ICE1: variants seen among roughly 807,000 people sequenced by gnomAD.
ICE1 encodes the protein interactor of little elongation complex ELL subunit 1, also known as little elongation complex subunit 1.
In ICE1, 64 loss-of-function variants were observed where a neutral mutation model predicts 192.7. That is an observed-to-expected ratio of 0.33 (90% CI 0.27 to 0.41). ICE1 has a LOEUF of 0.41. ICE1 is among the 10% of genes least tolerant of loss of function. ICE1 has a pLI of 1.00. For missense variants in ICE1, 2,708 were observed against 2,696.0 expected (o/e 1.00, Z -0.10); for synonymous variants, 1,010 against 984.5 (o/e 1.03, Z -0.49).
At chr5:5,475,893 T>C (rs1197692906) in intron 16 of ICE1, 80 bp from the exon 17 acceptor site, 6 of 861,630 alleles carry the variant, frequency 7.0e-6, no homozygotes, top group African/African-American at 3.4e-5. Context: ...CTTTCACTTA[T>C]TGCTTAAGGA....
intron 17 of ICE1, among the ~76,000 whole-genome samples, chr5:5,479,997 G>T (rs960647750): frequency 2.0e-5 from 3 of 152,080 alleles, no homozygotes; most frequent in Non-Finnish European, 4.4e-5. Context: ...TTAAAACCTA[G>T]ATGATGGGTT....
intron 15 of ICE1, among the ~76,000 whole-genome samples, chr5:5,473,258 A>T (rs1739217967): frequency 6.6e-6 from 1 of 152,194 alleles, no homozygotes; most frequent in Admixed American, 6.5e-5. Context: ...TTCTAACTTT[A>T]ATTCTCTAAT....
In ICE1 at chr5:5,460,593, C is replaced by T; in HGVS notation, c.1259C>T (p.Pro420Leu). 1 of 1,613,188 alleles carries T rather than the reference C, an allele frequency of 6.2e-7. No individual in the cohort carries two copies. The highest frequency in any genetic ancestry group is 8.5e-7 in the Non-Finnish European group (1 of 1,179,542). ...GGAAGTGGCACATGGGAGGAAAAGC[C>T]CAAATCACATGAAGCTATCCAAGCT... ...NKGSGTWEEK[P>L]KSHEAIQALN... Residue 420 changes from proline to leucine, a missense_variant, in exon 13 of 19, where the codon CCC becomes CTC. This residue lies in a region of ICE1 where 2,366 missense variants were observed against 2,276.6 expected (regional missense o/e 1.04). Coordinates refer to ENST00000296564, the MANE Select transcript of ICE1 (RefSeq NM_015325.3).
In ICE1 at chr5:5,465,180, G is replaced by T; in HGVS notation, c.5846G>T (p.Arg1949Ile). ...VGNISKKPVM[R>I]DQEKEVVYEF... ...AATATCTCCAAAAAGCCCGTAATGA[G>T]AGATCAAGAGAAGGAAGTTGTTTAT... Residue 1949 changes from arginine (R) to isoleucine (I), a missense_variant, in exon 13 of 19, where the codon AGA (arginine) becomes ATA (isoleucine). This residue lies in a region of ICE1 where 342 missense variants were observed against 419.3 expected (regional missense o/e 0.82). Coordinates refer to ENST00000296564, the MANE Select transcript of ICE1 (RefSeq NM_015325.3). The T allele has an allele frequency of 6.3e-7, 1 of 1,599,270 alleles. No individual in the cohort carries two copies. Among genetic ancestry groups the T allele is most frequent in the South Asian group, 1.1e-5 (1 of 88,544 alleles).
rs796599483 is a variant in ICE1 at position 5,435,678 on chromosome 5, G to GTTTTTTTTTTTTTTTT, written c.85-735_85-734insTTTTTTTTTTTTTTTT. Reference sequence around the variant, plus strand: ...TTGTGTTTTTTTTTTTTTTTGTTTTGTTTTTGTTTTTTTTTTCGAGATGGA... The same window carrying GTTTTTTTTTTTTTTTT: ...TTGTGTTTTTTTTTTTTTTTGTTTTGTTTTTTTTTTTTTTTTTTTTTGTTTTTTTTTTCGAGATGGA... On this transcript the variant is annotated intron_variant, in intron 1 of 18. Coordinates refer to ENST00000296564, the MANE Select transcript of ICE1 (RefSeq NM_015325.3). 1.7e-5 allele frequency among the ~76,000 whole-genome samples: 2 copies of GTTTTTTTTTTTTTTTT among 116,738 alleles called. 1 individual carries two copies. Among genetic ancestry groups the GTTTTTTTTTTTTTTTT allele is most frequent in the African/African-American group, 6.3e-5 (2 of 31,902 alleles). 76.6% of individuals were successfully genotyped at this position (116,738 alleles called of 152,430 possible). A position where few individuals can be genotyped will look rare whatever the true frequency, so the allele number is the denominator to read the frequency against.
At position 5,462,408 on chromosome 5, in the gene ICE1, G is replaced by A. The variant is rs372049445; in HGVS notation, c.3074G>A (p.Gly1025Glu). ...GAAGAAACCAGCTGTGGAGACACAG[G>A]GAGATCTGGTGGTGAGGCCCTGGCT... ...SVEETSCGDT[G>E]RSGGEALAVA... Residue 1025 changes from glycine (G) to glutamate (E), a missense_variant, in exon 13 of 19, where the codon GGG becomes GAG. Around this residue, in one of 2 missense-constraint regions of ICE1, gnomAD observed 2,366 missense variants for 2,276.6 expected, o/e 1.04. Coordinates refer to ENST00000296564, the MANE Select transcript of ICE1 (RefSeq NM_015325.3). 3.1e-6 allele frequency: 5 copies of A among 1,614,018 alleles called. No homozygotes were observed. The East Asian group carries it at 6.7e-5, about 22-fold the overall frequency.
rs1739745204 is a variant in ICE1 at position 5,489,859 on chromosome 5, GAGCCCTT to G, written c.*533_*539del. ...GTAATTGATCAGAGCAAAACATGCAGAGCCCTTAGCAGAAACCCACTTTAATGCATTT... is the reference window on the plus strand; with the variant it reads ...GTAATTGATCAGAGCAAAACATGCAGAGCAGAAACCCACTTTAATGCATTT... On this transcript the variant is annotated 3_prime_UTR_variant, in exon 19 of 19. Coordinates refer to ENST00000296564, the MANE Select transcript of ICE1 (RefSeq NM_015325.3). The G allele has an allele frequency of 6.6e-6, 1 of 152,228 alleles. No homozygotes were observed. Among genetic ancestry groups the G allele is most frequent in the African/African-American group, 2.4e-5 (1 of 41,462 alleles). 9.4% of individuals were successfully genotyped at this position (152,228 alleles called of 1,614,324 possible). A position where few individuals can be genotyped will look rare whatever the true frequency, so the allele number is the denominator to read the frequency against.
chr5:5,489,424 CA>C lies in ICE1; in HGVS notation c.*99del. ...CAGAATACAAAGGGAGGTTTCAAAA[CA>C]AAAAGACATAAAATAGATAAAACAG... On this transcript the variant is annotated 3_prime_UTR_variant, in exon 19 of 19. Transcript: ENST00000296564. 2 of 1,126,210 alleles carry C rather than the reference CA, an allele frequency of 1.8e-6. No individual in the cohort carries two copies. Among genetic ancestry groups the C allele is most frequent in the Non-Finnish European group, 2.5e-6 (2 of 809,976 alleles). 69.8% of individuals were successfully genotyped at this position (1,126,210 alleles called of 1,614,324 possible). A position where few individuals can be genotyped will look rare whatever the true frequency, so the allele number is the denominator to read the frequency against.
chr5:5,484,569 C>T (rs1461788758), intron 17 of ICE1, among the ~76,000 whole-genome samples: 1 of 152,062 alleles, frequency 6.6e-6, no homozygotes, highest in African/African-American at 2.4e-5. Flanking sequence ...TCCTAGGCTC[C>T]CTAGAAATTA....
intron 1 of ICE1, among the ~76,000 whole-genome samples, chr5:5,430,554 C>A (rs935385585): frequency 6.6e-6 from 1 of 152,184 alleles, no homozygotes; most frequent in Non-Finnish European, 1.5e-5. Context: ...AAGTCAGCAG[C>A]CCCCAGCCCC....
chr5:5,463,219 C>T lies in ICE1; in HGVS notation c.3885C>T (p.Thr1295=), dbSNP rs935820202. Residue 1295 remains threonine (T), a synonymous_variant, in exon 13 of 19, where the codon ACC becomes ACT. Transcript: ENST00000296564. The part of the protein sequence containing the change: ...LLLLNVNNNM[T]TENLKEKSPF... ...TCTTAAATGTAAATAACAACATGAC[C>T]ACTGAGAATTTAAAAGAGAAAAGTC... The T allele has an allele frequency of 1.2e-6, 2 of 1,611,444 alleles. No individual in the cohort carries two copies. Among genetic ancestry groups the T allele is most frequent in the African/African-American group, 1.3e-5 (1 of 74,978 alleles).
At chr5:5,423,112 T>C in intron 1 of ICE1, 113 bp downstream of exon 1, 1 of 525,196 alleles carries the variant, frequency 1.9e-6, no homozygotes, top group Non-Finnish European at 2.9e-6. Flanking sequence ...CTGCTCTCCC[T>C]TCCCAACCGT....
Position 5,463,615 on chromosome 5 carries a change from CAGT to C in ICE1, c.4282_4284del (p.Ser1428del). 11 of 1,613,986 alleles carry C rather than the reference CAGT, an allele frequency of 6.8e-6. No individual in the cohort carries two copies. Among genetic ancestry groups the C allele is most frequent in the Non-Finnish European group, 8.5e-6 (10 of 1,179,892 alleles). On this transcript the variant is annotated inframe_deletion, in exon 13 of 19. Coordinates refer to ENST00000296564, the MANE Select transcript of ICE1 (RefSeq NM_015325.3). Reference sequence around the variant, plus strand: ...AAAAGGGGGACAACTGGACAATCATCAGTGGTGTAGCTGTCTTGCCACATGTGG... The same window carrying C: ...AAAAGGGGGACAACTGGACAATCATCGGTGTAGCTGTCTTGCCACATGTGG...
At chr5:5,475,311 A>G (rs1739276581) in intron 16 of ICE1, among the ~76,000 whole-genome samples, 1 of 152,216 alleles carries the variant, frequency 6.6e-6, no homozygotes, top group Non-Finnish European at 1.5e-5. Flanking sequence ...GAGTATCTAG[A>G]AGAAAAGCCA....
At position 5,489,343 on chromosome 5, in the gene ICE1, C is replaced by A. The variant is rs2111411411; in HGVS notation, c.*13C>A. 6.3e-7 allele frequency: 1 copy of A among 1,595,656 alleles called. No individual in the cohort carries two copies. Among genetic ancestry groups the A allele is most frequent in the Non-Finnish European group, 8.5e-7 (1 of 1,171,800 alleles). Reference sequence around the variant, plus strand: ...GGAGCTTGGCTGACCTGGGATGCCACTGAGGCTTGAGAAGTGCCTTGACAC... The same window carrying A: ...GGAGCTTGGCTGACCTGGGATGCCAATGAGGCTTGAGAAGTGCCTTGACAC... On this transcript the variant is annotated 3_prime_UTR_variant, in exon 19 of 19. Coordinates refer to ENST00000296564, the MANE Select transcript of ICE1 (RefSeq NM_015325.3).
At position 5,463,490 on chromosome 5, in the gene ICE1, T is replaced by C. The variant is rs1738867992; in HGVS notation, c.4156T>C (p.Ser1386Pro). ...GATGGAGCCATCCATAGAGCAAAGT[T>C]CTAACTGCGAGGCCGAAACAACATT... Reference protein sequence around the residue: ...SVMEPSIEQSSNCEAETTFQC... With the variant: ...SVMEPSIEQSPNCEAETTFQC... Residue 1386 changes from serine to proline, a missense_variant, in exon 13 of 19, where the codon TCT becomes CCT. By Grantham distance (74) the Ser-to-Pro change is moderately conservative (BLOSUM62 -1). Coordinates refer to ENST00000296564, the MANE Select transcript of ICE1 (RefSeq NM_015325.3). 6.2e-7 allele frequency: 1 copy of C among 1,613,034 alleles called. No homozygotes were observed. The highest frequency in any genetic ancestry group is 1.7e-5 in the Admixed American group (1 of 59,876).
In ICE1 at chr5:5,457,475, T is replaced by C. The variant is rs764674751; in HGVS notation, c.835T>C (p.Cys279Arg). The change falls in exon 12 of 19, where the codon TGT (cysteine) becomes CGT (arginine). Residue 279 changes from cysteine (C) to arginine (R), a missense_variant. Coordinates refer to ENST00000296564, the MANE Select transcript of ICE1 (RefSeq NM_015325.3). ...CATGGAGATAAAGGAGGACTTTTTA[T>C]GTCAAAATGTGGAAAAACAGAGCTC... The part of the protein sequence containing the change: ...LSMEIKEDFL[C>R]QNVEKQSSSG... 1.9e-5 allele frequency: 31 copies of C among 1,613,844 alleles called. No homozygotes were observed. The Admixed American group carries it at 5.0e-4, about 26-fold the overall frequency.
chr5:5,464,409 C>T lies in ICE1; in HGVS notation c.5075C>T (p.Ser1692Phe), dbSNP rs771094893. 6.2e-7 allele frequency: 1 copy of T among 1,613,822 alleles called. No individual in the cohort carries two copies. Among genetic ancestry groups the T allele is most frequent in the African/African-American group, 1.3e-5 (1 of 74,908 alleles). The change falls in exon 13 of 19, where the codon TCT (serine) becomes TTT (phenylalanine). Residue 1692 changes from serine (S) to phenylalanine (F), a missense_variant. Ser to Phe is a radical substitution (Grantham distance 155, BLOSUM62 -2). Transcript: ENST00000296564. The surrounding 1 kb of genome is among the most constrained non-coding windows in gnomAD (Gnocchi z 4.0). ...SPWPEDPRRASPPDPSPSPSA... is the reference protein window; with the variant it reads ...SPWPEDPRRAFPPDPSPSPSA... ...TGGCCAGAGGACCCCAGACGTGCCTCTCCTCCAGATCCTTCTCCATCTCCA... is the reference window on the plus strand; with the variant it reads ...TGGCCAGAGGACCCCAGACGTGCCTTTCCTCCAGATCCTTCTCCATCTCCA...
chr5:5,450,922 A>C (rs1025464410), intron 10 of ICE1, among the ~76,000 whole-genome samples: 1 of 152,198 alleles, frequency 6.6e-6, no homozygotes, highest in African/African-American at 2.4e-5. Flanking sequence ...AAGAGAGAGC[A>C]AAAGCAGACA....
Sources: allele counts gnomAD v4.1 joint callset (sites outside exome capture counted in the v4.1 genomes callset), GRCh38; gene constraint gnomAD v4.1.1; regional missense constraint gnomAD v4.1.1; non-coding constraint Gnocchi (gnomAD v3.1); transcripts MANE v1.5; gene names NCBI Gene and HGNC (gene_info 2026-07-23, HGNC 2026-07-21).